The following SMC5 variants were observed in gnomAD, a reference collection of about 807,000 sequenced individuals.
SMC5 encodes structural maintenance of chromosomes 5.
In SMC5, 88 loss-of-function variants were observed where a neutral mutation model predicts 148.3. The ratio of observed to expected loss-of-function variants is 0.59; its 90% CI spans 0.50 to 0.71. SMC5 has a LOEUF of 0.71. Among genes scored for constraint, SMC5 ranks in the 30% least tolerant of loss-of-function variants. The pLI is 0.00. For synonymous variants in SMC5, 421 were observed against 432.8 expected (o/e 0.97, Z 0.34); for missense variants, 1,142 against 1,298.9 (o/e 0.88, Z 1.86).
At position 70,350,474 on chromosome 9, in the gene SMC5, A is replaced by G. The variant is rs1365950602; in HGVS notation, c.3165+3A>G. On this transcript the variant is annotated splice_donor_region_variant and intron_variant, in intron 24 of 24. Coordinates refer to ENST00000361138, the MANE Select transcript of SMC5 (RefSeq NM_015110.4). ...AATACTTTTTCATAACACCAAAGGT[A>G]GGTAAAAAGTAACCTAAAAGTGGTC... 6.4e-6 allele frequency: 10 copies of G among 1,574,440 alleles called. No homozygotes were observed. Among genetic ancestry groups the G allele is most frequent in the East Asian group, 2.3e-5 (1 of 44,028 alleles).
At chr9:70,295,828 G>A (rs373581805) in intron 8 of SMC5, among the ~76,000 whole-genome samples, 2 of 152,112 alleles carry the variant, frequency 1.3e-5, no homozygotes, top group South Asian at 4.2e-4. Context: ...GATTGCAGAC[G>A]TTCTGTTTGT....
At chr9:70,294,545 A>T (rs1337493369) in intron 8 of SMC5, among the ~76,000 whole-genome samples, 6 of 152,198 alleles carry the variant, frequency 3.9e-5, no homozygotes, top group Non-Finnish European at 1.5e-5. Context: ...GTAAAAAGGT[A>T]GTGGGGTTAA....
intron 10 of SMC5, among the ~76,000 whole-genome samples, chr9:70,300,554 G>C (rs945859192): frequency 6.6e-6 from 1 of 151,956 alleles, no homozygotes; most frequent in Non-Finnish European, 1.5e-5. Context: ...GCTGTAAATA[G>C]GTTGATTAAA....
At chr9:70,295,326 C>T (rs573710863) in intron 8 of SMC5, among the ~76,000 whole-genome samples, 1 of 151,770 alleles carries the variant, frequency 6.6e-6, no homozygotes, top group African/African-American at 2.4e-5. Context: ...AAAAAATTAG[C>T]CGGGCGTGGT....
chr9:70,284,218 T>G (rs1479198926), intron 7 of SMC5, among the ~76,000 whole-genome samples: 3 of 152,226 alleles, frequency 2.0e-5, no homozygotes, highest in African/African-American at 7.2e-5. Flanking sequence ...TTAAAATTAT[T>G]GCACTCAAGT....
rs1051043400 is a variant in SMC5, at chr9:70,347,624, A to C, written c.2676A>C (p.Glu892Asp). The C allele has an allele frequency of 6.4e-7, 1 of 1,558,256 alleles. No individual in the cohort carries two copies. The highest frequency in any genetic ancestry group is 1.4e-5 in the African/African-American group (1 of 72,074). ...FTGLNPTIVQEYTKREEEIEQ... is the reference protein window; with the variant it reads ...FTGLNPTIVQDYTKREEEIEQ... ...TTTTCCCCTGCCAGATTGTTCAGGA[A>C]TATACAAAAAGAGAAGAAGAAATAG... Residue 892 changes from glutamate to aspartate, a missense_variant, in exon 21 of 25, where the codon GAA becomes GAC. By Grantham distance (45) the Glu-to-Asp change is conservative. Coordinates refer to ENST00000361138, the MANE Select transcript of SMC5 (RefSeq NM_015110.4).
chr9:70,277,222 C>T, intron 3 of SMC5, 88 bp from the exon 4 acceptor site: 1 of 1,012,606 alleles, frequency 9.9e-7, no homozygotes, highest in Non-Finnish European at 1.3e-6. Flanking sequence ...TATCTGGCAC[C>T]TTTTGTGCAA....
intron 11 of SMC5, 149 bp downstream of exon 11, chr9:70,305,509 T>G (rs996594925): frequency 3.7e-6 from 2 of 541,596 alleles, no homozygotes; most frequent in African/African-American, 3.9e-5. Context: ...ATTTCTTTCC[T>G]ATTTATGGCA....
intron 20 of SMC5, 131 bp downstream of exon 20, chr9:70,347,292 A>G: frequency 1.6e-6 from 1 of 632,028 alleles, no homozygotes; most frequent in Middle Eastern, 2.5e-4. Context: ...GGTAATAATA[A>G]GCTAGACAGC....
intron 17 of SMC5, among the ~76,000 whole-genome samples, chr9:70,339,010 T>A (rs531042700): frequency 5.0e-4 from 76 of 152,304 alleles, no homozygotes; most frequent in Admixed American, 4.4e-3. Flanking sequence ...TAAAATAAAA[T>A]TTTTTAATGC....
chr9:70,284,608 G>A (rs1017542666), intron 7 of SMC5, among the ~76,000 whole-genome samples: 5 of 152,010 alleles, frequency 3.3e-5, no homozygotes, highest in African/African-American at 1.2e-4. Context: ...CCTTTGTTTT[G>A]TCTATTTATA....
intron 3 of SMC5, among the ~76,000 whole-genome samples, chr9:70,274,163 G>A (rs763272069): frequency 9.2e-5 from 14 of 152,142 alleles, no homozygotes; most frequent in Non-Finnish European, 1.9e-4. Context: ...CTCACTGCAG[G>A]CTCCGCCTCC....
At chr9:70,349,403 T>C (rs2036750634) in intron 22 of SMC5, among the ~76,000 whole-genome samples, 1 of 152,132 alleles carries the variant, frequency 6.6e-6, no homozygotes, top group Non-Finnish European at 1.5e-5. Flanking sequence ...TTAAGGTAAA[T>C]CTGAACCTGA....
intron 3 of SMC5, among the ~76,000 whole-genome samples, chr9:70,269,991 C>T (rs2034398906): frequency 6.6e-6 from 1 of 152,186 alleles, no homozygotes; most frequent in African/African-American, 2.4e-5. Context: ...CACTTCTACA[C>T]CAGATGTGTG....
chr9:70,314,181 C>A (rs2035734419), intron 11 of SMC5, among the ~76,000 whole-genome samples: 1 of 152,184 alleles, frequency 6.6e-6, no homozygotes, highest in African/African-American at 2.4e-5. Context: ...CTCCATCCTT[C>A]CATCTTATGA....
intron 17 of SMC5, among the ~76,000 whole-genome samples, chr9:70,338,507 A>G (rs1009040809): frequency 6.6e-6 from 1 of 151,792 alleles, no homozygotes; most frequent in African/African-American, 2.4e-5. Flanking sequence ...TGAATTTTGC[A>G]CTCGTTTAAC....
At chr9:70,324,277 T>C in intron 17 of SMC5, 134 bp downstream of exon 17, 1 of 860,248 alleles carries the variant, frequency 1.2e-6, no homozygotes, top group South Asian at 2.1e-5. Context: ...ATGCATCATG[T>C]TGATGAGGAA....
chr9:70,282,699 G>T, intron 7 of SMC5, 116 bp downstream of exon 7: 1 of 1,071,506 alleles, frequency 9.3e-7, no homozygotes. Context: ...CATTTCTTAA[G>T]TTTTTTAACC....
chr9:70,347,211 C>T (rs1212665250), intron 20 of SMC5, 50 bp downstream of exon 20: 3 of 1,451,658 alleles, frequency 2.1e-6, no homozygotes, highest in Admixed American at 3.4e-5. Flanking sequence ...CACCACCACC[C>T]TCCCCATACA....
Sources: gnomAD v4.1 joint callset for allele counts (sites outside exome capture counted in the v4.1 genomes callset) on GRCh38, gnomAD v4.1.1 for gene constraint, MANE v1.5 for transcripts, NCBI Gene and HGNC (gene_info 2026-07-23, HGNC 2026-07-21) for gene names.